The following GPC6 variants were observed in gnomAD, a reference collection of about 807,000 sequenced individuals.
The protein encoded by GPC6 is glypican 6, also known as glypican-6.
A neutral mutation model predicts 55.2 loss-of-function variants in GPC6; 14 were observed. The observed-to-expected ratio is 0.25, with a 90% CI of 0.17 to 0.40. The LOEUF (loss-of-function observed/expected upper bound fraction) is 0.40, where lower values mean the gene tolerates loss of function less well. GPC6 is among the 10% of genes least tolerant of loss of function. The pLI is 1.00. For synonymous variants in GPC6, 278 were observed against 259.6 expected (o/e 1.07, Z -0.68); for missense variants, 641 against 708.5 (o/e 0.90, Z 1.08).
chr13:93,383,132 C>T (rs1159203414), intron 1 of GPC6, among the ~76,000 whole-genome samples: 1 of 152,124 alleles, frequency 6.6e-6, no homozygotes, highest in Non-Finnish European at 1.5e-5. Flanking sequence ...GTAGACTTTT[C>T]CAGCTTTCCT....
chr13:93,894,420 C>G (rs1443569309), intron 3 of GPC6, among the ~76,000 whole-genome samples: 1 of 151,990 alleles, frequency 6.6e-6, no homozygotes, highest in Non-Finnish European at 1.5e-5. Context: ...ATTTTGTAAG[C>G]TATTTATAGT....
intron 2 of GPC6, among the ~76,000 whole-genome samples, chr13:93,612,295 C>T (rs1331302213): frequency 2.6e-5 from 4 of 152,086 alleles, no homozygotes; most frequent in Non-Finnish European, 5.9e-5. Flanking sequence ...TTCAGGAAAT[C>T]GAGACCATTC....
intron 2 of GPC6, among the ~76,000 whole-genome samples, chr13:93,598,053 AGAATCACTT>A (rs926152563): frequency 6.6e-6 from 1 of 152,196 alleles, no homozygotes; most frequent in Admixed American, 6.5e-5. Context: ...CTGAGGCAGG[AGAATCACTT>A]GAACCCGGGA....
At chr13:93,739,728 C>T (rs1165099188) in intron 2 of GPC6, among the ~76,000 whole-genome samples, 1 of 152,176 alleles carries the variant, frequency 6.6e-6, no homozygotes, top group Non-Finnish European at 1.5e-5. Flanking sequence ...CATGCCCAGC[C>T]TTCAAATACA....
At chr13:93,385,207 C>T (rs1024907659) in intron 1 of GPC6, among the ~76,000 whole-genome samples, 3 of 152,140 alleles carry the variant, frequency 2.0e-5, no homozygotes, top group African/African-American at 4.8e-5. Flanking sequence ...AAGGTAGCTC[C>T]GAGGTGGGCA....
At chr13:94,359,195 A>ATATT (rs1208438389) in intron 6 of GPC6, among the ~76,000 whole-genome samples, 1 of 152,226 alleles carries the variant, frequency 6.6e-6, no homozygotes, top group Non-Finnish European at 1.5e-5. Flanking sequence ...CCTTTTTTAA[A>ATATT]TATTTGTGAT....
At chr13:93,884,615 G>T (rs1875209608) in intron 3 of GPC6, among the ~76,000 whole-genome samples, 2 of 152,140 alleles carry the variant, frequency 1.3e-5, no homozygotes, top group South Asian at 4.2e-4. Flanking sequence ...ATTTTTCAGT[G>T]ATTGTCTTAG....
intron 6 of GPC6, among the ~76,000 whole-genome samples, chr13:94,375,281 A>C (rs533659978): frequency 0.05 from 7,626 of 152,144 alleles, 617 homozygotes; most frequent in African/African-American, 0.17. Context: ...TGAAAGGATC[A>C]ACAAAATTGA....
intron 2 of GPC6, among the ~76,000 whole-genome samples, chr13:93,728,076 C>T (rs1883704556): frequency 6.6e-6 from 1 of 152,142 alleles, no homozygotes; most frequent in African/African-American, 2.4e-5. Context: ...TTCAATCTAC[C>T]TCTGTGGAGA....
At chr13:94,163,981 C>A (rs1003604204) in intron 4 of GPC6, among the ~76,000 whole-genome samples, 3 of 152,044 alleles carry the variant, frequency 2.0e-5, no homozygotes, top group African/African-American at 7.2e-5. Flanking sequence ...GAGTGTGAAG[C>A]AATTACAGTA....
intron 4 of GPC6, among the ~76,000 whole-genome samples, chr13:94,049,087 T>C (rs184685047): frequency 2.0e-5 from 3 of 152,058 alleles, no homozygotes; most frequent in East Asian, 3.9e-4. Context: ...CCTATCTCTA[T>C]GAAAACAATT....
At chr13:93,580,161 G>A (rs541995043) in intron 2 of GPC6, among the ~76,000 whole-genome samples, 107 of 152,262 alleles carry the variant, frequency 7.0e-4, no homozygotes, top group Non-Finnish European at 1.4e-3. Flanking sequence ...ATGAGGGCCT[G>A]CTTCATGGTT....
intron 1 of GPC6, among the ~76,000 whole-genome samples, chr13:93,331,366 T>A (rs1470349748): frequency 6.6e-6 from 1 of 152,220 alleles, no homozygotes; most frequent in Non-Finnish European, 1.5e-5. Flanking sequence ...CCTTTTTCTA[T>A]TATATTTCTA....
Position 93,817,979 on chromosome 13 carries a change from T to A in GPC6, c.320-12175T>A, listed in dbSNP as rs9589847. Among the ~76,000 whole-genome samples the A allele has an allele frequency of 5.7e-3, 838 of 147,672 alleles. 13 individuals are homozygous for A. The highest frequency in any genetic ancestry group is 0.02 in the African/African-American group (806 of 40,792). On this transcript the variant is annotated intron_variant, in intron 2 of 8. Transcript: ENST00000377047. The stretch of plus-strand genomic sequence containing the variant: ...CCTATATATATAATACATAAATATA[T>A]AAGTATATATAAAATAAAAACATAA...
chr13:93,441,091 T>G (rs1182164460), intron 1 of GPC6, among the ~76,000 whole-genome samples: 5 of 152,218 alleles, frequency 3.3e-5, no homozygotes, highest in African/African-American at 1.2e-4. Flanking sequence ...ATCCAGTCTA[T>G]CATTGATGGA....
chr13:93,856,034 A>G (rs1420000542), intron 3 of GPC6, among the ~76,000 whole-genome samples: 1 of 151,556 alleles, frequency 6.6e-6, no homozygotes, highest in African/African-American at 2.4e-5. Context: ...TTTAATTTTA[A>G]TGAAGTCCAG....
At chr13:93,870,585 G>C (rs74111011) in intron 3 of GPC6, among the ~76,000 whole-genome samples, 5,127 of 151,850 alleles carry the variant, frequency 0.034, 266 homozygotes, top group East Asian at 0.17. Context: ...CCTAACTCTA[G>C]TATCTCAGGA....
intron 3 of GPC6, among the ~76,000 whole-genome samples, chr13:93,950,041 A>C (rs1366403007): frequency 6.6e-6 from 1 of 152,236 alleles, no homozygotes; most frequent in Non-Finnish European, 1.5e-5. Flanking sequence ...TAATGGGTAC[A>C]GAGTTTCTGT....
At chr13:94,044,912 C>T (rs544275997) in intron 4 of GPC6, among the ~76,000 whole-genome samples, 6 of 151,170 alleles carry the variant, frequency 4.0e-5, no homozygotes, top group Non-Finnish European at 5.9e-5. Flanking sequence ...TTTAACGTGC[C>T]GTATCATATA....
Sources: allele counts gnomAD v4.1 joint callset (sites outside exome capture counted in the v4.1 genomes callset), GRCh38; gene constraint gnomAD v4.1.1; transcripts MANE v1.5; gene names NCBI Gene and HGNC (gene_info 2026-07-23, HGNC 2026-07-21).